The following CSGALNACT1 variants were observed in gnomAD, a reference collection of about 807,000 sequenced individuals.
CSGALNACT1 encodes the protein beta4GalNAcT-1.
In CSGALNACT1, 52 loss-of-function variants were observed where a neutral mutation model predicts 51.0. The ratio of observed to expected loss-of-function variants is 1.02; its 90% CI spans 0.82 to 1.29. The LOEUF (loss-of-function observed/expected upper bound fraction) is 1.29. Ranked by LOEUF, CSGALNACT1 falls within the 50% of genes most tolerant of loss-of-function variation. The probability of loss-of-function intolerance (pLI) is 0.00; values close to 1 mark genes in which losing one functional copy is unlikely to be tolerated. For missense variants in CSGALNACT1, 935 were observed against 679.2 expected, an observed-to-expected ratio of 1.38 and a Z score of -4.19; for synonymous variants, 341 against 254.4, an observed-to-expected ratio of 1.34 and a Z score of -3.24.
intron 1 of CSGALNACT1, among the ~76,000 whole-genome samples, chr8:19,614,576 T>C (rs10088450): frequency 0.015 from 2,346 of 152,270 alleles, 66 homozygotes; most frequent in African/African-American, 0.054. Flanking sequence ...TGGATCAAGA[T>C]AAAAAATTTT....
chr8:19,597,298 T>C (rs2049148835), intron 2 of CSGALNACT1, among the ~76,000 whole-genome samples: 2 of 131,536 alleles, frequency 1.5e-5, no homozygotes, highest in East Asian at 2.2e-4. Flanking sequence ...TTTTTTTTTT[T>C]TTTTTTTTTT....
chr8:19,721,164 T>C (rs763819869), intron 1 of CSGALNACT1, among the ~76,000 whole-genome samples: 17 of 152,278 alleles, frequency 1.1e-4, no homozygotes, highest in Middle Eastern at 3.4e-3. Flanking sequence ...CAGAACCACA[T>C]TGGAGATATC....
intron 3 of CSGALNACT1, among the ~76,000 whole-genome samples, chr8:19,576,188 C>T (rs2044167592): frequency 1.3e-5 from 2 of 152,138 alleles, no homozygotes; most frequent in South Asian, 2.1e-4. Flanking sequence ...GCTATCCCTA[C>T]ACTTTTTTTG....
At chr8:19,417,315 T>C (rs1339151470) in intron 8 of CSGALNACT1, among the ~76,000 whole-genome samples, 1 of 152,082 alleles carries the variant, frequency 6.6e-6, no homozygotes, top group Non-Finnish European at 1.5e-5. Flanking sequence ...CACCCCAAAA[T>C]GAAGCCATGC....
At chr8:19,588,812 T>A (rs561351741) in intron 3 of CSGALNACT1, among the ~76,000 whole-genome samples, 124 of 152,360 alleles carry the variant, frequency 8.1e-4, no homozygotes, top group African/African-American at 2.8e-3. Flanking sequence ...ACCCAGATCC[T>A]AGCTGTACTT....
intron 1 of CSGALNACT1, among the ~76,000 whole-genome samples, chr8:19,649,341 C>G (rs930437070): frequency 2.0e-5 from 3 of 152,038 alleles, no homozygotes; most frequent in African/African-American, 7.2e-5. Flanking sequence ...GACTGCTTGG[C>G]TAAAAGATGG....
At chr8:19,411,381 C>A (rs1048606601) in intron 8 of CSGALNACT1, among the ~76,000 whole-genome samples, 1 of 152,200 alleles carries the variant, frequency 6.6e-6, no homozygotes, top group Non-Finnish European at 1.5e-5. Context: ...TTCTTGTTCA[C>A]GACTACATCT....
intron 1 of CSGALNACT1, among the ~76,000 whole-genome samples, chr8:19,734,628 A>T (rs1002683921): frequency 6.6e-6 from 1 of 152,190 alleles, no homozygotes; most frequent in African/African-American, 2.4e-5. Flanking sequence ...GAAAGAGAAG[A>T]ATTCTGAAGT....
intron 6 of CSGALNACT1, among the ~76,000 whole-genome samples, chr8:19,437,582 G>C (rs2060583896): frequency 6.6e-6 from 1 of 151,000 alleles, no homozygotes; most frequent in African/African-American, 2.4e-5. Flanking sequence ...GATATCACTG[G>C]TTAACAGAAT....
chr8:19,488,306 T>C (rs889406368), intron 4 of CSGALNACT1, among the ~76,000 whole-genome samples: 5 of 149,852 alleles, frequency 3.3e-5, no homozygotes, highest in Non-Finnish European at 3.0e-5. Context: ...GCTGAGCTCA[T>C]GCCACTGCAC....
At chr8:19,456,696 G>A (rs181181578) in intron 5 of CSGALNACT1, among the ~76,000 whole-genome samples, 3 of 152,232 alleles carry the variant, frequency 2.0e-5, no homozygotes, top group East Asian at 1.9e-4. Context: ...ACAATTATGC[G>A]ATCATGCACA....
intron 1 of CSGALNACT1, among the ~76,000 whole-genome samples, chr8:19,691,212 C>T (rs1251791981): frequency 2.0e-5 from 3 of 152,168 alleles, no homozygotes; most frequent in African/African-American, 7.2e-5. Flanking sequence ...GGGGGTAATG[C>T]TCCAGGCAGC....
In CSGALNACT1 at chr8:19,662,087, C is replaced by G. The variant is rs1005403252; in HGVS notation, c.-544+20386G>C. ...CCACCCCCCCCCACCCCCCCCCCCC[C>G]CCGCATCTTCAGCAGCTTCAGCTCT... is the stretch of plus-strand genomic sequence containing the variant. On this transcript the variant is annotated intron_variant, in intron 1 of 9. Transcript: ENST00000332246. Among the ~76,000 whole-genome samples, 158 of 113,236 alleles carry G rather than the reference C, an allele frequency of 1.4e-3. 5 individuals carry two copies. The highest frequency in any genetic ancestry group is 2.5e-3 in the Non-Finnish European group (125 of 50,150). The allele number at this position is 113,236 out of a possible 152,430, so 74.3% of individuals were successfully genotyped here.
rs2061634304 is a variant in CSGALNACT1, at chr8:19,443,413, G to A, written c.852-3482C>T. On this transcript the variant is annotated intron_variant, in intron 5 of 9. Transcript: ENST00000454498. ...AGTATCTGTATTAGTCTATTCTCATGCTGCTAATAAAGACATACCCAAGAC... is the reference window on the plus strand; with the variant it reads ...AGTATCTGTATTAGTCTATTCTCATACTGCTAATAAAGACATACCCAAGAC... Among the ~76,000 whole-genome samples the A allele has an allele frequency of 2.0e-5, 3 of 152,094 alleles. No homozygotes were observed. The South Asian group carries it at 6.2e-4, about 31-fold the overall frequency.
intron 3 of CSGALNACT1, among the ~76,000 whole-genome samples, chr8:19,520,423 C>T (rs1030730718): frequency 2.0e-5 from 3 of 152,230 alleles, no homozygotes; most frequent in Admixed American, 1.3e-4. Context: ...TGGCTCCAGC[C>T]TCCCCAGGCC....
At chr8:19,728,239 G>A (rs1048984013) in intron 1 of CSGALNACT1, among the ~76,000 whole-genome samples, 1 of 152,058 alleles carries the variant, frequency 6.6e-6, no homozygotes, top group Non-Finnish European at 1.5e-5. Context: ...TCACACAAAG[G>A]AAACACTATG....
intron 3 of CSGALNACT1, among the ~76,000 whole-genome samples, chr8:19,541,005 C>A (rs142381780): frequency 3.9e-4 from 59 of 152,148 alleles, no homozygotes; most frequent in Non-Finnish European, 5.6e-4. Flanking sequence ...AGAATGACAT[C>A]TTAACTCTTT....
intron 3 of CSGALNACT1, among the ~76,000 whole-genome samples, chr8:19,521,555 C>A (rs186338636): frequency 6.6e-6 from 1 of 152,002 alleles, no homozygotes; most frequent in African/African-American, 2.4e-5. Context: ...TGGTGGTGTG[C>A]GCTTGTAATC....
At chr8:19,513,412 C>CTCTG (rs760651355) in intron 3 of CSGALNACT1, among the ~76,000 whole-genome samples, 3 of 63,114 alleles carry the variant, frequency 4.8e-5, no homozygotes, top group Non-Finnish European at 9.6e-5. Flanking sequence ...TTTTCTCTCT[C>CTCTG]TCACTCTCTC....
Sources: allele counts gnomAD v4.1 joint callset (sites outside exome capture counted in the v4.1 genomes callset), GRCh38; gene constraint gnomAD v4.1.1; transcripts MANE v1.5; gene names NCBI Gene and HGNC (gene_info 2026-07-23, HGNC 2026-07-21).